MKLN1: variants seen among roughly 807,000 people sequenced by gnomAD.
MKLN1 encodes muskelin.
A neutral mutation model predicts 99.0 loss-of-function variants in MKLN1; 18 were observed. The observed-to-expected ratio is 0.18, with a 90% CI of 0.13 to 0.27. The LOEUF (loss-of-function observed/expected upper bound fraction) is 0.27, where lower values mean the gene tolerates loss of function less well. MKLN1 is among the 10% of genes least tolerant of loss of function. The pLI is 1.00. For missense variants in MKLN1, 621 were observed against 875.9 expected, an observed-to-expected ratio of 0.71 and a Z score of 3.67; for synonymous variants, 288 against 293.2, an observed-to-expected ratio of 0.98 and a Z score of 0.18.
intron 13 of MKLN1, among the ~76,000 whole-genome samples, chr7:131,463,770 A>G (rs1462425533): frequency 6.6e-6 from 1 of 152,222 alleles, no homozygotes; most frequent in Non-Finnish European, 1.5e-5. Context: ...GTCATAGAGC[A>G]TCCCACAGAA....
intron 3 of MKLN1, among the ~76,000 whole-genome samples, chr7:131,215,245 A>T (rs1796963355): frequency 6.6e-6 from 1 of 152,116 alleles, no homozygotes; most frequent in African/African-American, 2.4e-5. Context: ...ATGGGGTTTC[A>T]CCATGTTGGC....
At position 131,487,675 on chromosome 7, in the gene MKLN1, C is replaced by A; in HGVS notation, c.2155C>A (p.Pro719Thr). Residue 719 changes from proline (P) to threonine (T), a missense_variant, in exon 18 of 18, where the codon CCT (proline) becomes ACT (threonine). Physicochemically the swap from Pro to Thr is conservative, Grantham distance 38 (BLOSUM62 -1). Around this residue, in one of 8 missense-constraint regions of MKLN1, gnomAD observed 126 missense variants for 157.4 expected, o/e 0.80. Coordinates refer to ENST00000352689, the MANE Select transcript of MKLN1 (RefSeq NM_013255.5). The surrounding 1 kb of genome is among the most constrained non-coding windows in gnomAD (Gnocchi z 4.7). The part of the protein sequence containing the change: ...QLFDTLVNFF[P>T]DSMTPPKGNL... ...CTTTGACACCTTAGTAAATTTCTTT[C>A]CTGACAGCATGACTCCTCCTAAAGG... 7.4e-6 allele frequency: 12 copies of A among 1,613,096 alleles called. No homozygotes were observed. The highest frequency in any genetic ancestry group is 1.1e-5 in the South Asian group (1 of 91,022).
At position 131,445,883 on chromosome 7, in the gene MKLN1, C is replaced by A; in HGVS notation, c.1505C>A (p.Thr502Asn). 1 of 1,599,466 alleles carries A rather than the reference C, an allele frequency of 6.3e-7. No individual in the cohort carries two copies. Among genetic ancestry groups the A allele is most frequent in the Non-Finnish European group, 8.5e-7 (1 of 1,171,092 alleles). ...SDHVDIISDGTKKDSGMVPMT... is the reference protein window; with the variant it reads ...SDHVDIISDGNKKDSGMVPMT... ...CATGTAGACATAATATCAGATGGCACCAAGAAAGACTCTGGGATGGGTAAG... is the reference window on the plus strand; with the variant it reads ...CATGTAGACATAATATCAGATGGCAACAAGAAAGACTCTGGGATGGGTAAG... The change falls in exon 12 of 18, where the codon ACC becomes AAC. Residue 502 changes from threonine (T) to asparagine (N), a missense_variant. By Grantham distance (65) the Thr-to-Asn change is moderately conservative (BLOSUM62 0). Coordinates refer to ENST00000352689, the MANE Select transcript of MKLN1 (RefSeq NM_013255.5).
intron 8 of MKLN1, among the ~76,000 whole-genome samples, chr7:131,422,906 A>C (rs1345980870): frequency 2.0e-5 from 3 of 152,108 alleles, no homozygotes. Flanking sequence ...TGTCCTACTG[A>C]ATTTGTCCTA....
intron 3 of MKLN1, among the ~76,000 whole-genome samples, chr7:131,306,005 G>A (rs936827955): frequency 1.3e-5 from 2 of 152,134 alleles, no homozygotes; most frequent in African/African-American, 2.4e-5. Context: ...TGGATCATGA[G>A]GGTGGATTTC....
At chr7:131,238,972 C>T (rs1446958968) in intron 3 of MKLN1, among the ~76,000 whole-genome samples, 1 of 152,128 alleles carries the variant, frequency 6.6e-6, no homozygotes, top group Non-Finnish European at 1.5e-5. Context: ...CATCTAGCTG[C>T]AAGGGAGGCT....
At chr7:131,376,429 G>C (rs1055637045) in intron 2 of MKLN1, among the ~76,000 whole-genome samples, 1 of 150,222 alleles carries the variant, frequency 6.7e-6, no homozygotes, top group Non-Finnish European at 1.5e-5. Flanking sequence ...AGATCACAAG[G>C]TCAGGAGATT....
At chr7:131,458,373 A>G (rs777536998) in intron 12 of MKLN1, among the ~76,000 whole-genome samples, 1 of 152,190 alleles carries the variant, frequency 6.6e-6, no homozygotes, top group African/African-American at 2.4e-5. Flanking sequence ...AATCTAAGAA[A>G]TGCTAGAAGT....
chr7:131,235,115 T>C (rs2171355), intron 3 of MKLN1, among the ~76,000 whole-genome samples: 39,399 of 151,958 alleles, frequency 0.26, 5,886 homozygotes, highest in East Asian at 0.42. Context: ...CTTTGACTTA[T>C]AGGTGGCTGG....
intron 16 of MKLN1, among the ~76,000 whole-genome samples, chr7:131,475,503 G>C (rs1796938577): frequency 6.6e-6 from 1 of 152,184 alleles, no homozygotes; most frequent in African/African-American, 2.4e-5. Flanking sequence ...TTATAAGCCA[G>C]GTTAACTTTG....
Position 131,487,187 on chromosome 7 carries a change from G to T in MKLN1, c.2087-420G>T, listed in dbSNP as rs1351473748. Reference sequence around the variant, plus strand: ...TTTGTTACTAAAAAACTTTTTTAGTGGTTCAGAAGCATTAACAAGTCAGAA... The same window carrying T: ...TTTGTTACTAAAAAACTTTTTTAGTTGTTCAGAAGCATTAACAAGTCAGAA... On this transcript the variant is annotated intron_variant, in intron 17 of 17. Transcript: ENST00000352689. The surrounding 1 kb of genome is among the most constrained non-coding windows in gnomAD (Gnocchi z 4.7). 6.6e-6 allele frequency among the ~76,000 whole-genome samples: 1 copy of T among 152,002 alleles called. No individual in the cohort carries two copies. Among genetic ancestry groups the T allele is most frequent in the Non-Finnish European group, 1.5e-5 (1 of 67,986 alleles).
chr7:131,439,638 A>G (rs941701946), intron 10 of MKLN1, among the ~76,000 whole-genome samples: 2 of 152,196 alleles, frequency 1.3e-5, no homozygotes, highest in African/African-American at 4.8e-5. Flanking sequence ...GTTCATGACA[A>G]TTTAGGATTT....
chr7:131,270,771 G>T (rs1002344045), intron 3 of MKLN1, among the ~76,000 whole-genome samples: 1 of 152,114 alleles, frequency 6.6e-6, no homozygotes, highest in African/African-American at 2.4e-5. Context: ...GGAGAGAAAG[G>T]TTCTAAATAA....
chr7:131,192,097 T>TATATATATATTATATATATAC lies in MKLN1; in HGVS notation c.-296-10760_-296-10759insATATATATATTATATATATAC, dbSNP rs1397719421. Among the ~76,000 whole-genome samples the TATATATATATTATATATATAC allele has an allele frequency of 3.4e-4, 26 of 76,884 alleles. 1 individual carries two copies. Among genetic ancestry groups the TATATATATATTATATATATAC allele is most frequent in the Non-Finnish European group, 5.4e-4 (22 of 40,644 alleles). 50.4% of individuals were successfully genotyped at this position (76,884 alleles called of 152,430 possible). ...TATATACATATATATTATATATATA[T>TATATATATATTATATATATAC]GTATATATATATTATATATATACGT... is the stretch of plus-strand genomic sequence containing the variant. On this transcript the variant is annotated intron_variant, in intron 2 of 7. Transcript: ENST00000416992.
intron 3 of MKLN1, among the ~76,000 whole-genome samples, chr7:131,264,351 TA>T (rs1797777014): frequency 6.6e-6 from 1 of 152,180 alleles, no homozygotes; most frequent in South Asian, 2.1e-4. Context: ...AAACAAATCT[TA>T]AGATGTTTCT....
intron 6 of MKLN1, among the ~76,000 whole-genome samples, chr7:131,403,288 T>C (rs116318180): frequency 0.016 from 2,480 of 152,312 alleles, 45 homozygotes; most frequent in African/African-American, 0.054. Context: ...CTTCCAACTT[T>C]TCTTTTGCAG....
chr7:131,385,121 T>C (rs761775821), intron 2 of MKLN1, among the ~76,000 whole-genome samples: 1 of 152,242 alleles, frequency 6.6e-6, no homozygotes, highest in Non-Finnish European at 1.5e-5. Context: ...TAAGTCAGAC[T>C]GGCTTTTGTA....
At chr7:131,179,156 C>A (rs1022139089) in intron 2 of MKLN1, among the ~76,000 whole-genome samples, 10 of 152,264 alleles carry the variant, frequency 6.6e-5, no homozygotes, top group African/African-American at 2.4e-4. Flanking sequence ...CAATTTATTT[C>A]TTTACTAGTG....
At chr7:131,362,060 A>G (rs998683081) in intron 1 of MKLN1, among the ~76,000 whole-genome samples, 1 of 152,030 alleles carries the variant, frequency 6.6e-6, no homozygotes, top group African/African-American at 2.4e-5. Flanking sequence ...TTGATTATAT[A>G]TACAGTCCTA....
Sources: gnomAD v4.1 joint callset for allele counts (sites outside exome capture counted in the v4.1 genomes callset) on GRCh38, gnomAD v4.1.1 for gene constraint, gnomAD v4.1.1 regional missense constraint, Gnocchi (gnomAD v3.1) non-coding constraint, MANE v1.5 for transcripts, NCBI Gene and HGNC (gene_info 2026-07-23, HGNC 2026-07-21) for gene names.